The following AP3B1 variants were observed in gnomAD, a reference collection of about 807,000 sequenced individuals.
The protein encoded by AP3B1 is AP-3 complex subunit beta-1.
Under a neutral mutation model 132.5 loss-of-function variants are expected in AP3B1, and 61 were observed. That is an observed-to-expected ratio of 0.46 (90% CI 0.37 to 0.57). AP3B1 has a LOEUF of 0.57. AP3B1 is among the 20% of genes least tolerant of loss of function. The pLI, the probability that AP3B1 is intolerant of heterozygous loss-of-function variation, is 0.00. For missense variants in AP3B1, 1,120 were observed against 1,289.4 expected, an observed-to-expected ratio of 0.87 and a Z score of 2.01; for synonymous variants, 388 against 438.3, an observed-to-expected ratio of 0.89 and a Z score of 1.43.
intron 12 of AP3B1, among the ~76,000 whole-genome samples, chr5:78,163,623 A>ATATAT (rs1397551368): frequency 6.8e-6 from 1 of 146,848 alleles, no homozygotes; most frequent in Non-Finnish European, 1.5e-5. Flanking sequence ...GTGTATATAT[A>ATATAT]GTATATATAT....
At chr5:78,038,261 T>C (rs1166552545) in intron 23 of AP3B1, among the ~76,000 whole-genome samples, 1 of 152,168 alleles carries the variant, frequency 6.6e-6, no homozygotes, top group African/African-American at 2.4e-5. Flanking sequence ...ATTGAAAACA[T>C]GTAAAAATTG....
At chr5:78,136,813 T>C (rs1038058852) in intron 15 of AP3B1, among the ~76,000 whole-genome samples, 2 of 152,138 alleles carry the variant, frequency 1.3e-5, no homozygotes, top group African/African-American at 2.4e-5. Context: ...ATCCCTATGG[T>C]TTTTATTGTG....
intron 22 of AP3B1, among the ~76,000 whole-genome samples, chr5:78,051,743 T>C (rs1748593730): frequency 6.6e-6 from 1 of 152,188 alleles, no homozygotes; most frequent in Non-Finnish European, 1.5e-5. Context: ...GCTCTTTGTA[T>C]CTAGTTTTGT....
intron 7 of AP3B1, among the ~76,000 whole-genome samples, chr5:78,192,598 C>T (rs1353055392): frequency 6.6e-6 from 1 of 151,958 alleles, no homozygotes; most frequent in Non-Finnish European, 1.5e-5. Flanking sequence ...GCCAAAATTG[C>T]GCCACTGCAC....
At chr5:78,136,630 G>A (rs1424649044) in intron 15 of AP3B1, among the ~76,000 whole-genome samples, 1 of 151,846 alleles carries the variant, frequency 6.6e-6, no homozygotes, top group East Asian at 1.9e-4. Flanking sequence ...TCTTCCATAA[G>A]CAAACCTCAA....
rs541717135 is a variant in AP3B1, at chr5:78,249,130, G to T, written c.205-8194C>A. On this transcript the variant is annotated intron_variant, in intron 2 of 26. Transcript: ENST00000255194. ...AGCACTTTGGGAGGCTGAGGAGGGC[G>T]GATCACCTGAGATCAGGAGTTCGAG... Among the ~76,000 whole-genome samples, 185 of 152,102 alleles carry T rather than the reference G, an allele frequency of 1.2e-3. 1 individual carries two copies. The highest frequency in any genetic ancestry group is 0.01 in the Middle Eastern group (3 of 294).
chr5:78,213,506 G>A (rs1356475445), intron 7 of AP3B1, among the ~76,000 whole-genome samples: 1 of 152,104 alleles, frequency 6.6e-6, no homozygotes, highest in Non-Finnish European at 1.5e-5. Context: ...CTTTCACACT[G>A]CTTCTGAACT....
intron 7 of AP3B1, among the ~76,000 whole-genome samples, chr5:78,213,935 A>G (rs1745856231): frequency 6.6e-6 from 1 of 152,224 alleles, no homozygotes. Flanking sequence ...TAAGAAAGGA[A>G]GGCAAAAAAG....
At chr5:78,291,985 G>A (rs1437802715) in intron 1 of AP3B1, among the ~76,000 whole-genome samples, 1 of 152,142 alleles carries the variant, frequency 6.6e-6, no homozygotes, top group Non-Finnish European at 1.5e-5. Context: ...ATACGTATAT[G>A]TGCCTGAATA....
intron 7 of AP3B1, among the ~76,000 whole-genome samples, chr5:78,189,095 C>A (rs530074743): frequency 1.1e-4 from 16 of 152,092 alleles, no homozygotes; most frequent in African/African-American, 3.9e-4. Context: ...GTGGGGAGAG[C>A]ATTAGGGAAA....
chr5:78,244,472 A>AT (rs1298256238), intron 2 of AP3B1, among the ~76,000 whole-genome samples: 1 of 152,128 alleles, frequency 6.6e-6, no homozygotes, highest in African/African-American at 2.4e-5. Flanking sequence ...TGGAATTGCC[A>AT]TTTACTATGA....
At chr5:78,041,147 G>A (rs1471984920) in intron 22 of AP3B1, among the ~76,000 whole-genome samples, 3 of 151,992 alleles carry the variant, frequency 2.0e-5, no homozygotes, top group Non-Finnish European at 1.5e-5. Flanking sequence ...GGTGGCGCAT[G>A]CCTGTAATTC....
intron 6 of AP3B1, among the ~76,000 whole-genome samples, chr5:78,223,130 G>T (rs779969509): frequency 1.3e-5 from 2 of 150,486 alleles, no homozygotes; most frequent in Non-Finnish European, 3.0e-5. Context: ...AAAGTGCTAG[G>T]ATTACAGGCA....
intron 2 of AP3B1, among the ~76,000 whole-genome samples, chr5:78,246,794 T>C (rs1490365732): frequency 1.3e-5 from 2 of 152,188 alleles, no homozygotes; most frequent in African/African-American, 2.4e-5. Flanking sequence ...GATTTTACTC[T>C]ACTGTTTTTC....
chr5:78,170,167 C>A lies in AP3B1; in HGVS notation c.1168-4495G>T, dbSNP rs919197490. ...AATTCAGTCTATCATTGATGGACAT[C>A]TGGGTTGCTTCCAAGTCTTTGCTAT... On this transcript the variant is annotated intron_variant, in intron 11 of 26. Transcript: ENST00000255194. 7.2e-5 allele frequency among the ~76,000 whole-genome samples: 11 copies of A among 152,102 alleles called. 1 individual carries two copies. The highest frequency in any genetic ancestry group is 1.9e-4 in the African/African-American group (8 of 41,410).
intron 21 of AP3B1, among the ~76,000 whole-genome samples, chr5:78,093,289 G>A (rs1186442497): frequency 6.6e-6 from 1 of 151,770 alleles, no homozygotes; most frequent in African/African-American, 2.4e-5. Flanking sequence ...ACCTCCTGGG[G>A]CTTAAGCAAT....
intron 18 of AP3B1, among the ~76,000 whole-genome samples, chr5:78,115,226 T>A (rs542569260): frequency 6.6e-6 from 1 of 152,308 alleles, no homozygotes; most frequent in African/African-American, 2.4e-5. Context: ...TATCACAGAT[T>A]AATTTATCAG....
At chr5:78,078,210 A>C (rs1749839346) in intron 22 of AP3B1, among the ~76,000 whole-genome samples, 1 of 152,130 alleles carries the variant, frequency 6.6e-6, no homozygotes, top group Non-Finnish European at 1.5e-5. Context: ...TTTCAATGTC[A>C]TTGTCCTTTC....
At chr5:78,080,989 A>G (rs1237315371) in intron 22 of AP3B1, among the ~76,000 whole-genome samples, 3 of 152,208 alleles carry the variant, frequency 2.0e-5, no homozygotes, top group Non-Finnish European at 4.4e-5. Context: ...AGTAAAGGAT[A>G]GCTTGATCAT....
Sources: gnomAD v4.1 joint callset for allele counts (sites outside exome capture counted in the v4.1 genomes callset) on GRCh38, gnomAD v4.1.1 for gene constraint, MANE v1.5 for transcripts, NCBI Gene and HGNC (gene_info 2026-07-23, HGNC 2026-07-21) for gene names.